The following CASS4 variants were observed in gnomAD, a reference collection of about 807,000 sequenced individuals.
CASS4 encodes the protein Cas scaffold protein family member 4, also known as cas scaffolding protein family member 4.
Under a neutral mutation model 54.2 loss-of-function variants are expected in CASS4, and 22 were observed. The ratio of observed to expected loss-of-function variants is 0.41; its 90% CI spans 0.29 to 0.58. The LOEUF (loss-of-function observed/expected upper bound fraction) is 0.58, where lower values mean the gene tolerates loss of function less well. Ranked by LOEUF, CASS4 falls within the 20% of genes least tolerant of loss-of-function variation. The pLI, the probability that CASS4 is intolerant of heterozygous loss-of-function variation, is 0.36. For missense variants in CASS4, 854 were observed against 986.7 expected (o/e 0.87, Z 1.80); for synonymous variants, 409 against 391.5 (o/e 1.04, Z -0.53).
At chr20:56,449,765 C>T (rs986624160) in intron 3 of CASS4, among the ~76,000 whole-genome samples, 8 of 152,074 alleles carry the variant, frequency 5.3e-5, no homozygotes, top group Non-Finnish European at 1.0e-4. Flanking sequence ...CTCTCATACC[C>T]TGTTTTTATT....
Position 56,452,120 on chromosome 20 carries a change from T to C in CASS4, c.944T>C (p.Leu315Pro). 2 of 1,614,246 alleles carry C rather than the reference T, an allele frequency of 1.2e-6. No homozygotes were observed. The highest frequency in any genetic ancestry group is 1.7e-6 in the Non-Finnish European group (2 of 1,180,044). The change falls in exon 5 of 6, where the codon CTT becomes CCT. Residue 315 changes from leucine to proline, a missense_variant. Physicochemically the swap from Leu to Pro is moderately conservative, Grantham distance 98 (BLOSUM62 -3). Transcript: ENST00000679887. ...CCAGAAATTCCTTCTTATGGCTTTC[T>C]TGTACCCAGAGGCACATTTCCTTTG... is the stretch of plus-strand genomic sequence containing the variant. ...SLPEIPSYGF[L>P]VPRGTFPLDE...
In CASS4 at chr20:56,452,864, T is replaced by C. The variant is rs201366703; in HGVS notation, c.1688T>C (p.Val563Ala). The C allele has an allele frequency of 2.5e-5, 40 of 1,614,106 alleles. No homozygotes were observed. The South Asian group carries it at 3.2e-4, about 13-fold the overall frequency. The change falls in exon 5 of 6, where the codon GTC becomes GCC. Residue 563 changes from valine to alanine, a missense_variant. By Grantham distance (64) the Val-to-Ala change is moderately conservative. Transcript: ENST00000679887. The part of the protein sequence containing the change: ...QNSPDDLERF[V>A]MVARMLPEDI... Reference sequence around the variant, plus strand: ...AGCCCAGATGACCTTGAGAGGTTTGTCATGGTGGCACGGATGCTTCCAGAA... The same window carrying C: ...AGCCCAGATGACCTTGAGAGGTTTGCCATGGTGGCACGGATGCTTCCAGAA...
intron 3 of CASS4, among the ~76,000 whole-genome samples, chr20:56,448,048 A>G (rs1046761709): frequency 2.0e-5 from 3 of 151,844 alleles, no homozygotes; most frequent in African/African-American, 7.3e-5. Flanking sequence ...AGGCTGAGGC[A>G]GGAGAGTGGC....
intron 1 of CASS4, among the ~76,000 whole-genome samples, chr20:56,426,167 G>T (rs886995117): frequency 6.6e-6 from 1 of 152,214 alleles, no homozygotes; most frequent in South Asian, 2.1e-4. Context: ...GCACACTCCA[G>T]ACCCAAAACT....
At chr20:56,425,884 G>A (rs971194993) in intron 1 of CASS4, among the ~76,000 whole-genome samples, 3 of 152,162 alleles carry the variant, frequency 2.0e-5, no homozygotes, top group Non-Finnish European at 4.4e-5. Context: ...CCAGAAAGAT[G>A]CTATACTTAT....
At chr20:56,417,713 C>T (rs369975585) in intron 1 of CASS4, among the ~76,000 whole-genome samples, 40 of 152,270 alleles carry the variant, frequency 2.6e-4, no homozygotes, top group Admixed American at 2.6e-4. Flanking sequence ...GCTGCAGCCC[C>T]GCTGTGAGGA....
chr20:56,415,334 C>T (rs1328800935), intron 1 of CASS4, among the ~76,000 whole-genome samples: 1 of 152,102 alleles, frequency 6.6e-6, no homozygotes, highest in East Asian at 1.9e-4. Flanking sequence ...ACGTAGGCCA[C>T]CCCCACCCAC....
In CASS4 at chr20:56,452,311, C is replaced by T; in HGVS notation, c.1135C>T (p.His379Tyr). Residue 379 changes from histidine to tyrosine, a missense_variant, in exon 5 of 6, where the codon CAT (histidine) becomes TAT (tyrosine). Physicochemically the swap from His to Tyr is moderately conservative, Grantham distance 83. Coordinates refer to ENST00000679887, the MANE Select transcript of CASS4 (RefSeq NM_020356.4). ...GGAGGTGTCAGAGAATTCCGCGGGCCATAATTCCTCATGGTTCTCCAGACG... is the reference window on the plus strand; with the variant it reads ...GGAGGTGTCAGAGAATTCCGCGGGCTATAATTCCTCATGGTTCTCCAGACG... ...AKEVSENSAG[H>Y]NSSWFSRRTT... 2 of 1,613,910 alleles carry T rather than the reference C, an allele frequency of 1.2e-6. No individual in the cohort carries two copies. The highest frequency in any genetic ancestry group is 1.7e-6 in the Non-Finnish European group (2 of 1,180,030).
At chr20:56,449,367 C>G (rs574518714) in intron 3 of CASS4, among the ~76,000 whole-genome samples, 9 of 152,114 alleles carry the variant, frequency 5.9e-5, no homozygotes, top group Non-Finnish European at 1.2e-4. Context: ...GGACAGAAAA[C>G]CAAACAACGC....
chr20:56,436,336 ATGTGTGTG>A (rs35972653), intron 1 of CASS4, among the ~76,000 whole-genome samples: 3 of 142,456 alleles, frequency 2.1e-5, no homozygotes, highest in African/African-American at 8.0e-5. Context: ...TGCTATATAT[ATGTGTGTG>A]TGTGTGTGTG....
chr20:56,451,541 T>TA (rs1230558058), intron 4 of CASS4, among the ~76,000 whole-genome samples: 3 of 151,940 alleles, frequency 2.0e-5, no homozygotes, highest in Non-Finnish European at 4.4e-5. Context: ...CCAGTTTGGG[T>TA]AAAATTAAAT....
intron 1 of CASS4, among the ~76,000 whole-genome samples, chr20:56,422,175 C>G (rs1387175746): frequency 6.6e-6 from 1 of 152,192 alleles, no homozygotes; most frequent in Non-Finnish European, 1.5e-5. Context: ...AGGGACTTAG[C>G]TGGCAAGGAA....
At chr20:56,429,057 G>A (rs1050317335) in intron 1 of CASS4, among the ~76,000 whole-genome samples, 9 of 152,198 alleles carry the variant, frequency 5.9e-5, no homozygotes, top group African/African-American at 1.2e-4. Context: ...GCAGTCACCC[G>A]GGCAGTGTGT....
Position 56,412,530 on chromosome 20 carries a change from G to A in CASS4, c.36+36G>A, listed in dbSNP as rs142858434. On this transcript the variant is annotated intron_variant, in intron 1 of 5. Coordinates refer to ENST00000679887, the MANE Select transcript of CASS4 (RefSeq NM_020356.4). This position sits in a 1 kb window ranked among gnomAD's most constrained non-coding sequence, Gnocchi z 4.2. Reference sequence around the variant, plus strand: ...TGGGGCTGTTTGAATGGGCTCTGGCGGGGAGCAAGCTGTGATGATTAAGGG... The same window carrying A: ...TGGGGCTGTTTGAATGGGCTCTGGCAGGGAGCAAGCTGTGATGATTAAGGG... 11 of 1,603,986 alleles carry A rather than the reference G, an allele frequency of 6.9e-6. No individual in the cohort carries two copies. Among genetic ancestry groups the A allele is most frequent in the Middle Eastern group, 1.6e-4 (1 of 6,068 alleles).
chr20:56,443,745 G>A (rs1018728862), intron 2 of CASS4, among the ~76,000 whole-genome samples: 10 of 152,136 alleles, frequency 6.6e-5, no homozygotes, highest in East Asian at 1.9e-4. Context: ...CAGGCTGGAC[G>A]AGGGCCGCTC....
At chr20:56,433,094 AGGGTGT>A (rs1029879863) in intron 1 of CASS4, among the ~76,000 whole-genome samples, 4 of 152,228 alleles carry the variant, frequency 2.6e-5, no homozygotes, top group Non-Finnish European at 5.9e-5. Flanking sequence ...CCAGAACAAG[AGGGTGT>A]GGCCCTCGCT....
intron 5 of CASS4, among the ~76,000 whole-genome samples, chr20:56,457,305 A>G (rs947722404): frequency 6.6e-6 from 1 of 152,214 alleles, no homozygotes; most frequent in African/African-American, 2.4e-5. Flanking sequence ...TCAGACCTAG[A>G]GCTCCAGATC....
chr20:56,450,394 T>C (rs568557644), intron 3 of CASS4, among the ~76,000 whole-genome samples: 5 of 152,206 alleles, frequency 3.3e-5, no homozygotes, highest in Non-Finnish European at 7.3e-5. Context: ...AGGACTGTGA[T>C]GTCCCCTGCG....
At position 56,437,432 on chromosome 20, in the gene CASS4, C is replaced by T. The variant is rs1980240480; in HGVS notation, c.305C>T (p.Thr102Ile). The change falls in exon 2 of 6, where the codon ACT becomes ATT. Residue 102 changes from threonine to isoleucine, a missense_variant. Thr to Ile is a moderately conservative substitution (Grantham distance 89). Transcript: ENST00000679887. The surrounding 1 kb of genome is among the most constrained non-coding windows in gnomAD (Gnocchi z 4.7). Reference protein sequence around the residue: ...ASSEETYQVPTLPRPPTPGPV... With the variant: ...ASSEETYQVPILPRPPTPGPV... ...TCAGAGGAGACCTATCAGGTGCCCA[C>T]TCTACCCCGCCCTCCCACTCCAGGC... 1 of 1,613,902 alleles carries T rather than the reference C, an allele frequency of 6.2e-7. No individual in the cohort carries two copies. Among genetic ancestry groups the T allele is most frequent in the South Asian group, 1.1e-5 (1 of 91,086 alleles).
Sources: allele counts gnomAD v4.1 joint callset (sites outside exome capture counted in the v4.1 genomes callset), GRCh38; gene constraint gnomAD v4.1.1; non-coding constraint Gnocchi (gnomAD v3.1); transcripts MANE v1.5; gene names NCBI Gene and HGNC (gene_info 2026-07-23, HGNC 2026-07-21).